The following UBN2 variants were observed in gnomAD, a reference collection of about 807,000 sequenced individuals.
UBN2 encodes ubinuclein-2.
A neutral mutation model predicts 120.2 loss-of-function variants in UBN2; 35 were observed. That is an observed-to-expected ratio of 0.29 (90% CI 0.22 to 0.39). The LOEUF is 0.39. Among genes scored for constraint, UBN2 ranks in the 10% least tolerant of loss-of-function variants. The probability of loss-of-function intolerance (pLI) is 1.00; values close to 1 mark genes in which losing one functional copy is unlikely to be tolerated. For synonymous variants in UBN2, 661 were observed against 648.7 expected (o/e 1.02, Z -0.29); for missense variants, 1,693 against 1,663.2 (o/e 1.02, Z -0.31).
chr7:139,259,387 CT>C lies in UBN2; in HGVS notation c.905+18del, dbSNP rs777702306. 5.0e-6 allele frequency: 8 copies of C among 1,611,644 alleles called. No homozygotes were observed. Among genetic ancestry groups the C allele is most frequent in the Non-Finnish European group, 6.8e-6 (8 of 1,179,380 alleles). On this transcript the variant is annotated intron_variant, in intron 5 of 17. Coordinates refer to ENST00000473989, the MANE Select transcript of UBN2 (RefSeq NM_173569.4). ...ACAACTGGGGTACGTTAAATTAAACCTAAGAAGGGAACTGGCGTCACAGTCT... is the reference window on the plus strand; with the variant it reads ...ACAACTGGGGTACGTTAAATTAAACCAAGAAGGGAACTGGCGTCACAGTCT...
intron 3 of UBN2, among the ~76,000 whole-genome samples, chr7:139,254,950 A>G (rs916440078): frequency 3.3e-5 from 5 of 152,152 alleles, no homozygotes; most frequent in African/African-American, 7.2e-5. Flanking sequence ...GTGACACATC[A>G]TTGTCACCGA....
chr7:139,287,031 TAATA>T (rs1797811116), intron 15 of UBN2, among the ~76,000 whole-genome samples: 1 of 151,936 alleles, frequency 6.6e-6, no homozygotes, highest in Non-Finnish European at 1.5e-5. Context: ...AGAAATAAAA[TAATA>T]AAAACATTGA....
intron 17 of UBN2, among the ~76,000 whole-genome samples, chr7:139,297,193 CAAAA>C (rs952689538): frequency 2.3e-4 from 13 of 56,410 alleles, no homozygotes; most frequent in Admixed American, 6.1e-4. Context: ...GACTCCGTCT[CAAAA>C]AAAAAAAAAA....
chr7:139,323,498 A>T, the UBN2 span, among the ~76,000 whole-genome samples: 535 of 151,814 alleles, frequency 3.5e-3, 1 homozygote, highest in African/African-American at 0.012. Flanking sequence ...TATTACAGGG[A>T]CTAGAATTAT....
intron 17 of UBN2, among the ~76,000 whole-genome samples, chr7:139,295,226 G>C (rs1022165138): frequency 6.6e-6 from 1 of 152,096 alleles, no homozygotes. Flanking sequence ...CCTAAGTGGT[G>C]AGCTGTCTCA....
chr7:139,277,201 G>A (rs1797469798), intron 12 of UBN2: 1 of 152,110 alleles, frequency 6.6e-6, no homozygotes, highest in Non-Finnish European at 1.5e-5. Context: ...TACTCTCCTT[G>A]TATGCAGTTA....
chr7:139,281,530 C>T (rs1797610142), intron 13 of UBN2, among the ~76,000 whole-genome samples: 1 of 152,196 alleles, frequency 6.6e-6, no homozygotes, highest in Non-Finnish European at 1.5e-5. Context: ...ATCCATCCAT[C>T]TATCCAATCA....
rs755029948 is a variant in UBN2 at position 139,259,333 on chromosome 7, GAGA to G, written c.874_876del (p.Lys292del). ...GAAGCGGAAAGAGGAAGGGGAAAAG[GAGA>G]AGAAGCCAAGGAAAAAAGTTCCCAA... On this transcript the variant is annotated inframe_deletion, in exon 5 of 18. Transcript: ENST00000473989. The G allele has an allele frequency of 9.8e-5, 158 of 1,614,026 alleles. No homozygotes were observed. The East Asian group carries it at 3.5e-3, about 35-fold the overall frequency.
At chr7:139,278,312 G>T (rs1190375963) in intron 12 of UBN2, among the ~76,000 whole-genome samples, 9 of 151,628 alleles carry the variant, frequency 5.9e-5, no homozygotes, top group Admixed American at 1.3e-4. Flanking sequence ...CTCCTGAGTA[G>T]CTGGGACTAC....
chr7:139,320,191 A>T, the UBN2 span, among the ~76,000 whole-genome samples: 2 of 151,646 alleles, frequency 1.3e-5, 1 homozygote, highest in Non-Finnish European at 2.9e-5. Context: ...ACCAGACGTG[A>T]TGGCTCATGC....
chr7:139,271,639 C>T (rs1275999979), intron 8 of UBN2, among the ~76,000 whole-genome samples: 3 of 151,884 alleles, frequency 2.0e-5, no homozygotes, highest in Non-Finnish European at 2.9e-5. Flanking sequence ...ATTTCTGCAC[C>T]TATGATGGTG....
In UBN2 at chr7:139,259,267, G is replaced by A; in HGVS notation, c.802G>A (p.Val268Ile). 3 of 1,611,994 alleles carry A rather than the reference G, an allele frequency of 1.9e-6. No homozygotes were observed. Among genetic ancestry groups the A allele is most frequent in the Non-Finnish European group, 2.5e-6 (3 of 1,179,272 alleles). ...TGATCATTCTTTTATCATTTTGCAGGTCCCCAAAATAAAAGAAGATGATAT... is the reference window on the plus strand; with the variant it reads ...TGATCATTCTTTTATCATTTTGCAGATCCCCAAAATAAAAGAAGATGATAT... The part of the protein sequence containing the change: ...TDNQKHKPPK[V>I]PKIKEDDIEM... Residue 268 changes from valine (V) to isoleucine (I), a missense_variant and splice_region_variant, in exon 5 of 18, where the codon GTC becomes ATC. Around this residue, in one of 5 missense-constraint regions of UBN2, gnomAD observed 663 missense variants for 591.2 expected, o/e 1.12. Transcript: ENST00000473989.
chr7:139,320,404 T>G, the UBN2 span, among the ~76,000 whole-genome samples: 2 of 151,352 alleles, frequency 1.3e-5, no homozygotes, highest in Admixed American at 6.6e-5. Context: ...GAGTTTGCAG[T>G]GAGCTGAGAT....
At position 139,299,238 on chromosome 7, in the gene UBN2, A is replaced by G. The variant is rs1013160684; in HGVS notation, c.*1402A>G. On this transcript the variant is annotated 3_prime_UTR_variant, in exon 18 of 18. Transcript: ENST00000473989. ...TTAAGCTTCTGAATATTTTCATACT[A>G]TATCAGAGAATGGTGTAAACTCTAA... 6 of 152,148 alleles carry G rather than the reference A, an allele frequency of 3.9e-5. No individual in the cohort carries two copies. The highest frequency in any genetic ancestry group is 8.8e-5 in the Non-Finnish European group (6 of 68,016). The allele number at this position is 152,148 out of a possible 1,614,324, so 9.4% of individuals were successfully genotyped here.
chr7:139,318,234 T>C, the UBN2 span, among the ~76,000 whole-genome samples: 2 of 152,200 alleles, frequency 1.3e-5, no homozygotes, highest in Admixed American at 1.3e-4. Flanking sequence ...CTTCCTTAGC[T>C]GGTGACATAT....
rs1798199751 is a variant in UBN2, at chr7:139,299,333, T to C, written c.*1497T>C. Reference sequence around the variant, plus strand: ...AATAGACTGGTAGTGACAAGATTTATTGCATATGTGTTTATTATACATTAC... The same window carrying C: ...AATAGACTGGTAGTGACAAGATTTACTGCATATGTGTTTATTATACATTAC... On this transcript the variant is annotated 3_prime_UTR_variant, in exon 18 of 18. Coordinates refer to ENST00000473989, the MANE Select transcript of UBN2 (RefSeq NM_173569.4). 6.6e-6 allele frequency: 1 copy of C among 152,192 alleles called. No individual in the cohort carries two copies. Among genetic ancestry groups the C allele is most frequent in the Non-Finnish European group, 1.5e-5 (1 of 68,016 alleles). The allele number at this position is 152,192 out of a possible 1,614,324, so 9.4% of individuals were successfully genotyped here. A position where few individuals can be genotyped will look rare whatever the true frequency, so the allele number is the denominator to read the frequency against.
At chr7:139,250,446 C>T (rs1294707608) in intron 2 of UBN2, among the ~76,000 whole-genome samples, 1 of 151,866 alleles carries the variant, frequency 6.6e-6, no homozygotes, top group African/African-American at 2.4e-5. Context: ...TTTGGCCAGG[C>T]TGGTCTCGAA....
At chr7:139,265,996 T>C (rs1422763109) in intron 6 of UBN2, among the ~76,000 whole-genome samples, 1 of 152,068 alleles carries the variant, frequency 6.6e-6, no homozygotes, top group Non-Finnish European at 1.5e-5. Flanking sequence ...TGAATTTGAA[T>C]CTCTCAAATG....
In UBN2 at chr7:139,231,734, A is replaced by G; in HGVS notation, c.250A>G (p.Met84Val). Residue 84 changes from methionine to valine, a missense_variant, in exon 1 of 18, where the codon ATG becomes GTG. Around this residue, in one of 5 missense-constraint regions of UBN2, gnomAD observed 663 missense variants for 591.2 expected, o/e 1.12. Transcript: ENST00000473989. ...CGAGGTCAGCCGCGCCGAGCCGCCC[A>G]TGTCGCTGCAGCGGGAGCCCCCGCG... ...QREVSRAEPP[M>V]SLQREPPRPE... 7 of 1,196,930 alleles carry G rather than the reference A, an allele frequency of 5.8e-6. No individual in the cohort carries two copies. Among genetic ancestry groups the G allele is most frequent in the Non-Finnish European group, 7.2e-6 (7 of 970,512 alleles). The allele number at this position is 1,196,930 out of a possible 1,614,324, so 74.1% of individuals were successfully genotyped here.
Sources: allele counts gnomAD v4.1 joint callset (sites outside exome capture counted in the v4.1 genomes callset), GRCh38; gene constraint gnomAD v4.1.1; regional missense constraint gnomAD v4.1.1; transcripts MANE v1.5; gene names NCBI Gene and HGNC (gene_info 2026-07-23, HGNC 2026-07-21).